The following ARMH3 variants were observed in gnomAD, a reference collection of about 807,000 sequenced individuals.
ARMH3 encodes armadillo-like helical domain-containing protein 3.
A neutral mutation model predicts 99.1 loss-of-function variants in ARMH3; 60 were observed. The observed-to-expected ratio is 0.61, with a 90% confidence interval of 0.49 to 0.75. The LOEUF (loss-of-function observed/expected upper bound fraction) is 0.75, where lower values mean the gene tolerates loss of function less well. ARMH3 is among the 30% of genes least tolerant of loss of function. The pLI is 0.00. For missense variants in ARMH3, 679 were observed against 843.1 expected (o/e 0.81, Z 2.41); for synonymous variants, 285 against 292.8 (o/e 0.97, Z 0.27).
intron 24 of ARMH3, among the ~76,000 whole-genome samples, chr10:101,878,449 G>T (rs1389074433): frequency 6.6e-6 from 1 of 151,538 alleles, no homozygotes; most frequent in Non-Finnish European, 1.5e-5. Context: ...AGCCTAGCCT[G>T]GGCAACATAG....
chr10:102,051,802 T>A (rs909836597), intron 1 of ARMH3, among the ~76,000 whole-genome samples: 1 of 152,218 alleles, frequency 6.6e-6, no homozygotes, highest in Non-Finnish European at 1.5e-5. Flanking sequence ...TTTAATCTGG[T>A]CCCATCAGCA....
intron 23 of ARMH3, among the ~76,000 whole-genome samples, chr10:101,935,607 A>C (rs746398380): frequency 6.6e-5 from 10 of 152,162 alleles, no homozygotes; most frequent in Non-Finnish European, 1.3e-4. Flanking sequence ...CAAAGACATA[A>C]TTTGGAGCTA....
At chr10:101,976,665 G>T (rs961147531) in intron 19 of ARMH3, among the ~76,000 whole-genome samples, 3 of 151,748 alleles carry the variant, frequency 2.0e-5, no homozygotes, top group African/African-American at 7.3e-5. Context: ...ATCTGAATGT[G>T]GTTTTTATTT....
intron 23 of ARMH3, 38 bp downstream of exon 23, chr10:101,939,825 G>A (rs984239877): frequency 6.4e-7 from 1 of 1,563,508 alleles, no homozygotes; most frequent in Non-Finnish European, 8.8e-7. Flanking sequence ...CTCAGGAAGA[G>A]CCAAGGAACT....
At chr10:102,000,622 T>G (rs1428486869) in intron 15 of ARMH3, among the ~76,000 whole-genome samples, 3 of 108,164 alleles carry the variant, frequency 2.8e-5, no homozygotes, top group Non-Finnish European at 6.0e-5. Context: ...AAAAAAATAT[T>G]ATCCAGGTAT....
At chr10:102,022,068 G>C (rs917494861) in intron 8 of ARMH3, among the ~76,000 whole-genome samples, 5 of 152,054 alleles carry the variant, frequency 3.3e-5, no homozygotes, top group Admixed American at 3.3e-4. Context: ...ACACTATCCA[G>C]GTTTGCAGCC....
chr10:101,857,431 TGA>T (rs1476745202), intron 24 of ARMH3, among the ~76,000 whole-genome samples: 1 of 151,918 alleles, frequency 6.6e-6, no homozygotes, highest in Non-Finnish European at 1.5e-5. Context: ...CTGGCAACAG[TGA>T]GACTCCACTT....
chr10:101,996,156 CT>C (rs1847045014), intron 15 of ARMH3, among the ~76,000 whole-genome samples: 2 of 152,210 alleles, frequency 1.3e-5, no homozygotes, highest in Non-Finnish European at 2.9e-5. Context: ...TTTCCAGAAA[CT>C]CTGTGGGTGA....
chr10:101,890,700 A>G (rs2067668089), intron 23 of ARMH3, among the ~76,000 whole-genome samples: 1 of 152,226 alleles, frequency 6.6e-6, no homozygotes, highest in South Asian at 2.1e-4. Flanking sequence ...TTTATAGCAA[A>G]GAAGCCTGGT....
intron 23 of ARMH3, among the ~76,000 whole-genome samples, chr10:101,918,175 T>C (rs1338351208): frequency 3.9e-5 from 6 of 152,150 alleles, no homozygotes; most frequent in Admixed American, 3.9e-4. Flanking sequence ...TGCTTCAGTC[T>C]CCCAAGTAGC....
At chr10:101,849,256 C>T (rs764518020) in intron 25 of ARMH3, among the ~76,000 whole-genome samples, 51 of 152,290 alleles carry the variant, frequency 3.3e-4, no homozygotes, top group Non-Finnish European at 5.3e-4. Flanking sequence ...ATAGGGCTAG[C>T]TCTGTGGAGA....
chr10:101,907,642 C>G (rs1193388985), intron 23 of ARMH3, among the ~76,000 whole-genome samples: 2 of 152,142 alleles, frequency 1.3e-5, no homozygotes, highest in Non-Finnish European at 1.5e-5. Flanking sequence ...CCTCAGCCTC[C>G]CAAAGTGCCG....
intron 19 of ARMH3, among the ~76,000 whole-genome samples, chr10:101,983,712 TG>T (rs1846332321): frequency 6.6e-6 from 1 of 152,182 alleles, no homozygotes; most frequent in Non-Finnish European, 1.5e-5. Context: ...CCCAACTCCA[TG>T]GGGTCAGAAG....
At chr10:101,975,157 T>C in intron 20 of ARMH3, 55 bp downstream of exon 20, 8 of 1,436,802 alleles carry the variant, frequency 5.6e-6, no homozygotes, top group Non-Finnish European at 7.7e-6. Context: ...AGCCCAGGCC[T>C]AGGGGCTCAA....
At chr10:101,977,355 G>T (rs1289584690) in intron 19 of ARMH3, among the ~76,000 whole-genome samples, 1 of 152,130 alleles carries the variant, frequency 6.6e-6, no homozygotes, top group African/African-American at 2.4e-5. Context: ...ATTTTGAAAG[G>T]TTAAAAAGCC....
chr10:101,996,317 A>G (rs1026436714), intron 15 of ARMH3, among the ~76,000 whole-genome samples: 9 of 152,252 alleles, frequency 5.9e-5, no homozygotes, highest in African/African-American at 1.7e-4. Flanking sequence ...TGTAGAAGTT[A>G]GCTATTACTA....
chr10:101,957,736 TA>T lies in ARMH3; in HGVS notation c.1496-5del, dbSNP rs370503995. On this transcript the variant is annotated splice_region_variant and splice_polypyrimidine_tract_variant and intron_variant, in intron 20 of 25. Coordinates refer to ENST00000370033, the MANE Select transcript of ARMH3 (RefSeq NM_024541.3). Reference sequence around the variant, plus strand: ...AACTTCAGCAAATTTATCAAGGCTTTAAAAAAAAAAAAAAAGACATCAACAA... The same window carrying T: ...AACTTCAGCAAATTTATCAAGGCTTTAAAAAAAAAAAAAAGACATCAACAA... 0.011 allele frequency: 15,521 copies of T among 1,400,818 alleles called. No homozygotes were observed. Among genetic ancestry groups the T allele is most frequent in the Admixed American group, 0.026 (1,043 of 39,908 alleles). The allele number at this position is 1,400,818 out of a possible 1,614,324, so 86.8% of individuals were successfully genotyped here.
At chr10:102,029,829 C>CT (rs1285193274) in intron 4 of ARMH3, 84 bp from the exon 5 acceptor site, 2 of 1,265,058 alleles carry the variant, frequency 1.6e-6, no homozygotes. Flanking sequence ...CCTTACACAG[C>CT]TGACACTGAA....
In ARMH3 at chr10:102,023,741, A is replaced by C; in HGVS notation, c.516T>G (p.Asp172Glu). The C allele has an allele frequency of 6.2e-7, 1 of 1,614,072 alleles. No individual in the cohort carries two copies. The highest frequency in any genetic ancestry group is 8.5e-7 in the Non-Finnish European group (1 of 1,179,930). ...CGAGAATAGTGTTCTGGCTGATGTT[A>C]TCTGTCACCTGAATGTAATAAAAGG... is the stretch of plus-strand genomic sequence containing the variant. ...KLLLCLVTVT[D>E]NISQNTILEY... The change falls in exon 7 of 26, where the codon GAT becomes GAG. Residue 172 changes from aspartate to glutamate, a missense_variant. Physicochemically the swap from Asp to Glu is conservative, Grantham distance 45. Transcript: ENST00000370033.
Sources: gnomAD v4.1 joint callset for allele counts (sites outside exome capture counted in the v4.1 genomes callset) on GRCh38, gnomAD v4.1.1 for gene constraint, MANE v1.5 for transcripts, NCBI Gene and HGNC (gene_info 2026-07-23, HGNC 2026-07-21) for gene names.